The following TCF3 variants were observed in gnomAD, a reference collection of about 807,000 sequenced individuals.
TCF3 encodes transcription factor E2-alpha.
TCF3 carries 54 observed loss-of-function variants against 72.3 expected under a neutral mutation model. The ratio of observed to expected loss-of-function variants is 0.75; its 90% CI spans 0.60 to 0.94. TCF3 has a LOEUF of 0.94. TCF3 is among the 40% of genes least tolerant of loss of function. The pLI is 0.00. For synonymous variants in TCF3, 525 were observed against 412.6 expected (o/e 1.27, Z -3.30); for missense variants, 1,078 against 934.4 (o/e 1.15, Z -2.00).
chr19:1,639,536 C>G (rs1456340673), intron 3 of TCF3, among the ~76,000 whole-genome samples: 1 of 152,024 alleles, frequency 6.6e-6, no homozygotes, highest in Non-Finnish European at 1.5e-5. Flanking sequence ...TCAAAGGCCT[C>G]GCAGCTCCAC....
At chr19:1,645,276 C>T (rs572312434) in intron 3 of TCF3, among the ~76,000 whole-genome samples, 1 of 152,200 alleles carries the variant, frequency 6.6e-6, no homozygotes, top group East Asian at 1.9e-4. Context: ...ACCCGAGGCC[C>T]CCACTCCCCG....
Position 1,624,011 on chromosome 19 carries a change from C to CA in TCF3, c.500-12dup. Reference sequence around the variant, plus strand: ...TCTTGGGCTGCGTGTCTGTTAGAAGCAAAAGGGGTGAGAACCGGCCACCGG... The same window carrying CA: ...TCTTGGGCTGCGTGTCTGTTAGAAGCAAAAAGGGGTGAGAACCGGCCACCGG... On this transcript the variant is annotated splice_polypyrimidine_tract_variant and intron_variant, in intron 7 of 18. Coordinates refer to ENST00000262965, the MANE Select transcript of TCF3 (RefSeq NM_003200.5). The CA allele has an allele frequency of 6.2e-7, 1 of 1,613,200 alleles. No homozygotes were observed. The highest frequency in any genetic ancestry group is 8.5e-7 in the Non-Finnish European group (1 of 1,179,810).
rs77522967 is a variant in TCF3 at position 1,614,983 on chromosome 19, G to A, written c.1822+302C>T. Among the ~76,000 whole-genome samples, 4 of 152,122 alleles carry A rather than the reference G, an allele frequency of 2.6e-5. No homozygotes were observed. Among genetic ancestry groups the A allele is most frequent in the Non-Finnish European group, 4.4e-5 (3 of 68,018 alleles). On this transcript the variant is annotated intron_variant, in intron 18 of 18. Coordinates refer to ENST00000262965, the MANE Select transcript of TCF3 (RefSeq NM_003200.5). This position sits in a 1 kb window ranked among gnomAD's most constrained non-coding sequence, Gnocchi z 5.6. ...GAGGACCACGGCGAGTGGGAGCCCC[G>A]TGGAGCTGGGAGATACAGTTCTGAG...
At chr19:1,632,590 G>A (rs191007035) in intron 3 of TCF3, among the ~76,000 whole-genome samples, 185 bp from the exon 4 acceptor site, 2 of 152,206 alleles carry the variant, frequency 1.3e-5, no homozygotes, top group Admixed American at 6.5e-5. Context: ...GACACCCTGG[G>A]ACTCGGAGCA....
chr19:1,650,135 A>C (rs1860661), intron 2 of TCF3, 42 bp downstream of exon 2: 1 of 1,519,314 alleles, frequency 6.6e-7, no homozygotes, highest in Non-Finnish European at 8.9e-7. Flanking sequence ...TGAACTGTGG[A>C]GGCAAAGGGG....
At chr19:1,622,510 CATCT>C (rs1410368525) in intron 8 of TCF3, 95 bp from the exon 9 acceptor site, 1 of 643,526 alleles carries the variant, frequency 1.6e-6, no homozygotes, top group African/African-American at 1.9e-5. Context: ...CCTGGTAGCA[CATCT>C]ACCACCCCGT....
At chr19:1,621,740 G>T in intron 11 of TCF3, 98 bp downstream of exon 11, 1 of 1,416,854 alleles carries the variant, frequency 7.1e-7, no homozygotes, top group Non-Finnish European at 9.3e-7. Flanking sequence ...CAGCAGACGC[G>T]CCTGCGCCTC....
chr19:1,619,504 G>T (rs752058995), intron 14 of TCF3, 30 bp from the exon 15 acceptor site: 3 of 1,550,736 alleles, frequency 1.9e-6, no homozygotes, highest in Admixed American at 3.6e-5. Context: ...GTGGTGAGGG[G>T]CCCAAGCCGA....
rs530137650 is a variant in TCF3, at chr19:1,641,649, C to T, written c.145+4706G>A. 1.1e-4 allele frequency among the ~76,000 whole-genome samples: 16 copies of T among 152,198 alleles called. No homozygotes were observed. In the South Asian group the frequency reaches 1.5e-3, roughly 14 times the overall value. On this transcript the variant is annotated intron_variant, in intron 3 of 18. Transcript: ENST00000262965. ...TGTATTTTTAGCAGAGACGGGGTTTCGCCACGTTGACTAGGCTGGTCTTGA... is the reference window on the plus strand; with the variant it reads ...TGTATTTTTAGCAGAGACGGGGTTTTGCCACGTTGACTAGGCTGGTCTTGA...
Position 1,622,324 on chromosome 19 carries a change from A to C in TCF3, c.641T>G (p.Phe214Cys), listed in dbSNP as rs752658084. Residue 214 changes from phenylalanine to cysteine, a missense_variant, in exon 9 of 19, where the codon TTC becomes TGC. Physicochemically the swap from Phe to Cys is radical, Grantham distance 205. Coordinates refer to ENST00000262965, the MANE Select transcript of TCF3 (RefSeq NM_003200.5). ...KTPSSTYPAP[F>C]YVADGSLHPS... ...GCCCTGCCATGTACCTGCCACGTAGAAGGGGGCGGGATAGGTGCTGCTGGG... is the reference window on the plus strand; with the variant it reads ...GCCCTGCCATGTACCTGCCACGTAGCAGGGGGCGGGATAGGTGCTGCTGGG... 4 of 1,533,312 alleles carry C rather than the reference A, an allele frequency of 2.6e-6. 1 individual carries two copies. In the African/African-American group the frequency reaches 5.5e-5, roughly 21 times the overall value. The allele number at this position is 1,533,312 out of a possible 1,614,324, so 95.0% of individuals were successfully genotyped here. A position where few individuals can be genotyped will look rare whatever the true frequency, so the allele number is the denominator to read the frequency against.
In TCF3 at chr19:1,651,805, C is replaced by A. The variant is rs369813324; in HGVS notation, c.-40+495G>T. Among the ~76,000 whole-genome samples the A allele has an allele frequency of 1.8e-3, 274 of 151,646 alleles. 3 individuals carry two copies. In the East Asian group the frequency reaches 0.023, roughly 13 times the overall value. On this transcript the variant is annotated intron_variant, in intron 1 of 18. Coordinates refer to ENST00000262965, the MANE Select transcript of TCF3 (RefSeq NM_003200.5). ...GAGCAGATGTTACCCGCGCGCCCCC[C>A]CCCGGCCCGCCCGGCCCCGACCAGC... is the stretch of plus-strand genomic sequence containing the variant.
chr19:1,640,673 C>T (rs1424800214), intron 3 of TCF3, among the ~76,000 whole-genome samples: 2 of 151,938 alleles, frequency 1.3e-5, no homozygotes, highest in Non-Finnish European at 2.9e-5. Flanking sequence ...AAAAACTTAG[C>T]CGGCACCTGT....
In TCF3 at chr19:1,622,109, A is replaced by G. The variant is rs749708169; in HGVS notation, c.767T>C (p.Val256Ala). The G allele has an allele frequency of 8.1e-6, 13 of 1,602,052 alleles. No homozygotes were observed. The African/African-American group carries it at 1.5e-4, about 18-fold the overall frequency. ...CGTGCTGCTGCTTCCACTGCTGCCC[A>G]CCGGGCCGCTACCGGGCGGGAGGGG... Reference protein sequence around the residue: ...PLPLPPGSGPVGSSGSSSTFG... With the variant: ...PLPLPPGSGPAGSSGSSSTFG... Residue 256 changes from valine to alanine, a missense_variant, in exon 10 of 19, where the codon GTG becomes GCG. Val to Ala is a moderately conservative substitution (Grantham distance 64, BLOSUM62 0). Transcript: ENST00000262965.
At chr19:1,637,198 C>T (rs1265713139) in intron 3 of TCF3, among the ~76,000 whole-genome samples, 2 of 151,688 alleles carry the variant, frequency 1.3e-5, no homozygotes, top group Non-Finnish European at 2.9e-5. Flanking sequence ...GAACCAGGGG[C>T]GCCTCGCAAC....
chr19:1,630,993 C>T (rs988883060), intron 5 of TCF3, among the ~76,000 whole-genome samples: 1 of 152,216 alleles, frequency 6.6e-6, no homozygotes, highest in Non-Finnish European at 1.5e-5. Flanking sequence ...CCCCACCCAG[C>T]CGCAGACCCC....
In TCF3 at chr19:1,615,032, C is replaced by T. The variant is rs1356479502; in HGVS notation, c.1822+253G>A. Among the ~76,000 whole-genome samples the T allele has an allele frequency of 6.6e-6, 1 of 152,120 alleles. No individual in the cohort carries two copies. Among genetic ancestry groups the T allele is most frequent in the African/African-American group, 2.4e-5 (1 of 41,430 alleles). On this transcript the variant is annotated intron_variant, in intron 18 of 18. Coordinates refer to ENST00000262965, the MANE Select transcript of TCF3 (RefSeq NM_003200.5). This position sits in a 1 kb window ranked among gnomAD's most constrained non-coding sequence, Gnocchi z 7.3. ...AGCCACAGAGCCCAGGCCTGAAGGA[C>T]TAGGGGTCCAGAAAGAGTCCAGTCC...
chr19:1,623,808 G>T, intron 8 of TCF3, 143 bp downstream of exon 8: 1 of 803,378 alleles, frequency 1.2e-6, no homozygotes, highest in Non-Finnish European at 1.9e-6. Flanking sequence ...TCGGGTCAGA[G>T]CTCAGATCTT....
At position 1,611,824 on chromosome 19, in the gene TCF3, G is replaced by A; in HGVS notation, c.1848C>T (p.Ala616=). 6.2e-7 allele frequency: 1 copy of A among 1,613,338 alleles called. No homozygotes were observed. The highest frequency in any genetic ancestry group is 8.5e-7 in the Non-Finnish European group (1 of 1,179,882). ...TTTCCTCTTCTCGCCGTTTCAAACA[G>A]GCTGCTTTGGGATTCAGGTTCCGCT... ...VRERNLNPKA[A]CLKRREEEKV... Residue 616 remains alanine, a synonymous_variant, in exon 19 of 19, where the codon GCC becomes GCT. Coordinates refer to ENST00000262965, the MANE Select transcript of TCF3 (RefSeq NM_003200.5).
At chr19:1,643,078 CAG>C (rs2145480949) in intron 3 of TCF3, among the ~76,000 whole-genome samples, 2 of 152,344 alleles carry the variant, frequency 1.3e-5, no homozygotes, top group African/African-American at 4.8e-5. Context: ...GGCTGTCACT[CAG>C]AGACCTGTGC....
Sources: gnomAD v4.1 joint callset for allele counts (sites outside exome capture counted in the v4.1 genomes callset) on GRCh38, gnomAD v4.1.1 for gene constraint, Gnocchi (gnomAD v3.1) non-coding constraint, MANE v1.5 for transcripts, NCBI Gene and HGNC (gene_info 2026-07-23, HGNC 2026-07-21) for gene names.